The following CABLES1 variants were observed in gnomAD, a reference collection of about 807,000 sequenced individuals.
The protein encoded by CABLES1 is CDK5 and ABL1 enzyme substrate 1.
A neutral mutation model predicts 57.8 loss-of-function variants in CABLES1; 36 were observed. That is an observed-to-expected ratio of 0.62 (90% CI 0.48 to 0.82). CABLES1 has a LOEUF of 0.82. Among genes scored for constraint, CABLES1 ranks in the 40% least tolerant of loss-of-function variants. CABLES1 has a pLI of 0.00. For synonymous variants in CABLES1, 374 were observed against 363.0 expected (o/e 1.03, Z -0.35); for missense variants, 767 against 836.6 (o/e 0.92, Z 1.03).
chr18:23,253,036 A>G lies in CABLES1; in HGVS notation c.1523A>G (p.His508Arg). 3.7e-6 allele frequency: 6 copies of G among 1,613,592 alleles called. No homozygotes were observed. The highest frequency in any genetic ancestry group is 5.1e-6 in the Non-Finnish European group (6 of 1,179,528). The change falls in exon 8 of 10, where the codon CAC becomes CGC. Residue 508 changes from histidine (H) to arginine (R), a missense_variant. By Grantham distance (29) the His-to-Arg change is conservative. Around this residue, in one of 4 missense-constraint regions of CABLES1, gnomAD observed 529 missense variants for 622.8 expected, o/e 0.85. Coordinates refer to ENST00000256925, the MANE Select transcript of CABLES1 (RefSeq NM_001100619.3). Reference protein sequence around the residue: ...MNETFKEKFPHIKLTLSKIRS... With the variant: ...MNETFKEKFPRIKLTLSKIRS... ...GAGACCTTCAAGGAGAAGTTTCCTC[A>G]CATTAAGCTGACACTCAGCAAAATT...
chr18:23,252,645 T>C (rs1431389805), intron 7 of CABLES1, among the ~76,000 whole-genome samples: 1 of 152,122 alleles, frequency 6.6e-6, no homozygotes, highest in African/African-American at 2.4e-5. Context: ...TTAAGCCCCA[T>C]ACCGTGTGAA....
At chr18:23,246,585 G>A (rs527365251) in intron 7 of CABLES1, among the ~76,000 whole-genome samples, 5 of 151,908 alleles carry the variant, frequency 3.3e-5, no homozygotes, top group South Asian at 2.1e-4. Context: ...TAGAGATGGG[G>A]TTTCACCGTG....
chr18:23,247,080 A>G (rs2047914319), intron 7 of CABLES1, among the ~76,000 whole-genome samples: 1 of 152,240 alleles, frequency 6.6e-6, no homozygotes, highest in Non-Finnish European at 1.5e-5. Flanking sequence ...AGAAAGAATG[A>G]GTGGCTGAGG....
At position 23,161,172 on chromosome 18, in the gene CABLES1, G is replaced by A. The variant is rs2047001228; in HGVS notation, c.845+24565G>A. Among the ~76,000 whole-genome samples the A allele has an allele frequency of 2.0e-5, 3 of 152,262 alleles. No individual in the cohort carries two copies. The South Asian group carries it at 6.2e-4, about 32-fold the overall frequency. Reference sequence around the variant, plus strand: ...GCAGTGAGCTATGATCATCAGCACTGCACTCCAGCCTGGGTGACAGAGGGG... The same window carrying A: ...GCAGTGAGCTATGATCATCAGCACTACACTCCAGCCTGGGTGACAGAGGGG... On this transcript the variant is annotated intron_variant, in intron 1 of 9. Transcript: ENST00000256925.
intron 1 of CABLES1, among the ~76,000 whole-genome samples, chr18:23,140,372 A>G (rs2046849942): frequency 6.6e-6 from 1 of 151,836 alleles, no homozygotes; most frequent in Non-Finnish European, 1.5e-5. Context: ...GCCCAGGTGA[A>G]CCACTGTGCT....
At chr18:23,183,484 A>G (rs137975878) in intron 1 of CABLES1, among the ~76,000 whole-genome samples, 1 of 152,338 alleles carries the variant, frequency 6.6e-6, no homozygotes, top group East Asian at 1.9e-4. Context: ...TTCCAAGGAT[A>G]TTGTAAAACA....
intron 9 of CABLES1, among the ~76,000 whole-genome samples, chr18:23,256,873 A>C (rs1043360495): frequency 2.6e-5 from 4 of 152,234 alleles, no homozygotes; most frequent in Admixed American, 6.5e-5. Flanking sequence ...TTAGTGCTGC[A>C]ATTGGCTACA....
At chr18:23,224,317 C>T (rs1456599732) in intron 4 of CABLES1, among the ~76,000 whole-genome samples, 1 of 151,966 alleles carries the variant, frequency 6.6e-6, no homozygotes, top group Admixed American at 6.5e-5. Flanking sequence ...TCCTTGCTGT[C>T]GTGTACCCAT....
Position 23,136,472 on chromosome 18 carries a change from G to A in CABLES1, c.710G>A (p.Arg237Gln). 1 of 1,604,020 alleles carries A rather than the reference G, an allele frequency of 6.2e-7. No homozygotes were observed. The highest frequency in any genetic ancestry group is 8.5e-7 in the Non-Finnish European group (1 of 1,177,674). Reference protein sequence around the residue: ...SGTPGSGSGSRGRLNSFTQGI... With the variant: ...SGTPGSGSGSQGRLNSFTQGI... ...ACCCCCGGGAGTGGGAGCGGCAGTC[G>A]GGGACGCCTCAACTCGTTCACTCAG... The change falls in exon 1 of 10, where the codon CGG becomes CAG. Residue 237 changes from arginine to glutamine, a missense_variant. Around this residue, in one of 4 missense-constraint regions of CABLES1, gnomAD observed 529 missense variants for 622.8 expected, o/e 0.85. Coordinates refer to ENST00000256925, the MANE Select transcript of CABLES1 (RefSeq NM_001100619.3).
At chr18:23,180,054 G>A (rs577175113) in intron 1 of CABLES1, among the ~76,000 whole-genome samples, 143 of 152,260 alleles carry the variant, frequency 9.4e-4, no homozygotes, top group African/African-American at 3.2e-3. Context: ...GAGTAGCTGG[G>A]ACTACAGGCG....
intron 7 of CABLES1, among the ~76,000 whole-genome samples, chr18:23,245,363 TAGCC>T (rs1027459522): frequency 4.6e-5 from 7 of 151,794 alleles, no homozygotes; most frequent in African/African-American, 1.7e-4. Flanking sequence ...ACAAAAAAAA[TAGCC>T]AGGCGTGGTG....
At chr18:23,152,596 T>C (rs986126558) in intron 1 of CABLES1, among the ~76,000 whole-genome samples, 1 of 151,676 alleles carries the variant, frequency 6.6e-6, no homozygotes, top group Non-Finnish European at 1.5e-5. Context: ...GCGATTCTTA[T>C]GCCTCAGCCT....
intron 7 of CABLES1, among the ~76,000 whole-genome samples, chr18:23,251,145 T>C (rs1345657462): frequency 2.0e-5 from 3 of 152,190 alleles, no homozygotes; most frequent in African/African-American, 7.2e-5. Context: ...TTCCTGAGCT[T>C]TGACTGATTA....
chr18:23,253,124 C>T (rs778541391), intron 8 of CABLES1, 58 bp downstream of exon 8: 50 of 944,970 alleles, frequency 5.3e-5, no homozygotes, highest in Non-Finnish European at 7.4e-5. Context: ...TTCCACACAC[C>T]GTAAGCTTGT....
rs905570061 is a variant in CABLES1, at chr18:23,161,706, C to T, written c.845+25099C>T. ...AGGGTGGATCACAAGGTCAGGAGAT[C>T]GAGACCATCCTGGCTAACATGGTGA... On this transcript the variant is annotated intron_variant, in intron 1 of 9. Coordinates refer to ENST00000256925, the MANE Select transcript of CABLES1 (RefSeq NM_001100619.3). Among the ~76,000 whole-genome samples the T allele has an allele frequency of 2.8e-5, 4 of 144,384 alleles. No homozygotes were observed. In the East Asian group the frequency reaches 8.1e-4, roughly 29 times the overall value. 94.7% of individuals were successfully genotyped at this position (144,384 alleles called of 152,430 possible).
At chr18:23,157,523 A>T (rs890424888) in intron 1 of CABLES1, among the ~76,000 whole-genome samples, 2 of 152,178 alleles carry the variant, frequency 1.3e-5, no homozygotes, top group Non-Finnish European at 2.9e-5. Context: ...ACCCAGGCAT[A>T]TGGCAGAAGG....
rs1268860203 is a variant in CABLES1 at position 23,150,735 on chromosome 18, A to G, written c.845+14128A>G. ...GGGTCGTGGGAGTCTGTGAACTTCT[A>G]TTAGGTGTTGTGACTGGGAAAGGCT... On this transcript the variant is annotated intron_variant, in intron 1 of 9. Transcript: ENST00000256925. Among the ~76,000 whole-genome samples the G allele has an allele frequency of 3.3e-5, 5 of 151,820 alleles. 1 individual carries two copies. In the South Asian group the frequency reaches 6.3e-4, roughly 19 times the overall value.
chr18:23,161,785 G>T (rs2047007000), intron 1 of CABLES1, among the ~76,000 whole-genome samples: 2 of 150,516 alleles, frequency 1.3e-5, no homozygotes, highest in Admixed American at 1.3e-4. Flanking sequence ...AGCCAGGTGT[G>T]GTGGTGGGCA....
intron 7 of CABLES1, among the ~76,000 whole-genome samples, chr18:23,246,795 G>A (rs1481467418): frequency 1.3e-5 from 2 of 151,530 alleles, no homozygotes; most frequent in East Asian, 1.9e-4. Flanking sequence ...AGGTTCAAGC[G>A]ATTCTTCCTG....
Sources: gnomAD v4.1 joint callset for allele counts (sites outside exome capture counted in the v4.1 genomes callset) on GRCh38, gnomAD v4.1.1 for gene constraint, gnomAD v4.1.1 regional missense constraint, MANE v1.5 for transcripts, NCBI Gene and HGNC (gene_info 2026-07-23, HGNC 2026-07-21) for gene names.